Variants in OTOG observed in about 807,000 individuals in gnomAD.
OTOG encodes otogelin.
In OTOG, 296 loss-of-function variants were observed where a neutral mutation model predicts 313.8. The ratio of observed to expected loss-of-function variants is 0.94; its 90% CI spans 0.86 to 1.04. The LOEUF (loss-of-function observed/expected upper bound fraction) is 1.04. OTOG is among the 50% of genes least tolerant of loss of function. The probability of loss-of-function intolerance (pLI) is 0.00; values close to 1 mark genes in which losing one functional copy is unlikely to be tolerated. For missense variants in OTOG, 3,948 were observed against 3,840.1 expected, an observed-to-expected ratio of 1.03 and a Z score of -0.74; for synonymous variants, 1,533 against 1,554.9, an observed-to-expected ratio of 0.99 and a Z score of 0.33.
chr11:17,552,549 C>CCCCACCTGTCCTGTGTCT (rs796266536), intron 4 of OTOG, among the ~76,000 whole-genome samples: 110 of 65,232 alleles, frequency 1.7e-3, no homozygotes, highest in African/African-American at 4.6e-3. Context: ...GTCCTGTGTC[C>CCCCACCTGTCCTGTGTCT]CCCACCTGTC....
intron 3 of OTOG, among the ~76,000 whole-genome samples, chr11:17,550,174 A>G (rs1176969862): frequency 6.6e-6 from 1 of 152,220 alleles, no homozygotes; most frequent in African/African-American, 2.4e-5. Flanking sequence ...GACATGACAG[A>G]TATTTTCCTA....
At position 17,631,711 on chromosome 11, in the gene OTOG, A is replaced by G. The variant is rs1321568743; in HGVS notation, c.6722A>G (p.Asp2241Gly). The change falls in exon 41 of 56, where the codon GAT becomes GGT. Residue 2241 changes from aspartate (D) to glycine (G), a missense_variant. Asp to Gly is a moderately conservative substitution (Grantham distance 94). Transcript: ENST00000399397. ...AQGHGLCGIC[D>G]GDAANDLTLK... ...GTTTGGCCCCTTTCAGGTATCTGTGATGGAGATGCAGCCAATGACCTTACC... is the reference window on the plus strand; with the variant it reads ...GTTTGGCCCCTTTCAGGTATCTGTGGTGGAGATGCAGCCAATGACCTTACC... The G allele has an allele frequency of 1.3e-6, 2 of 1,550,084 alleles. No homozygotes were observed. Among genetic ancestry groups the G allele is most frequent in the African/African-American group, 2.7e-5 (2 of 73,006 alleles).
At position 17,570,133 on chromosome 11, in the gene OTOG, G is replaced by A; in HGVS notation, c.1778-80G>A. 4 of 1,320,268 alleles carry A rather than the reference G, an allele frequency of 3.0e-6. No individual in the cohort carries two copies. The South Asian group carries it at 4.1e-5, about 14-fold the overall frequency. The allele number at this position is 1,320,268 out of a possible 1,614,324, so 81.8% of individuals were successfully genotyped here. A position where few individuals can be genotyped will look rare whatever the true frequency, so the allele number is the denominator to read the frequency against. On this transcript the variant is annotated intron_variant, in intron 16 of 55. Transcript: ENST00000399397. The stretch of plus-strand genomic sequence containing the variant: ...GACTGGGCCGGGCGTGGGAGTCTGA[G>A]CGGGCCAGGCAGGTGGTGGTGGTGG...
chr11:17,611,475 C>T (rs930193185), intron 36 of OTOG, 52 bp downstream of exon 36: 9 of 1,428,398 alleles, frequency 6.3e-6, no homozygotes, highest in Middle Eastern at 1.8e-4. Flanking sequence ...TTCCCTTCAT[C>T]CCTTCCTCTT....
At chr11:17,568,186 C>T (rs911772197) in intron 15 of OTOG, among the ~76,000 whole-genome samples, 5 of 152,126 alleles carry the variant, frequency 3.3e-5, no homozygotes, top group African/African-American at 4.8e-5. Flanking sequence ...AGATTACAGG[C>T]GTGAGCCACC....
chr11:17,645,762 G>C lies in OTOG; in HGVS notation c.8560G>C (p.Asp2854His). ...SSTPVNLVSC[D>H]GRCPSASIYN... The stretch of plus-strand genomic sequence containing the variant: ...GTTCCAGGTGAACCTAGTGTCCTGC[G>C]ATGGGAGGTGCCCATCCGCCAGCAT... Residue 2854 changes from aspartate to histidine, a missense_variant, in exon 56 of 56, where the codon GAT becomes CAT. Transcript: ENST00000399397. 1.3e-6 allele frequency: 2 copies of C among 1,550,908 alleles called. No individual in the cohort carries two copies. The highest frequency in any genetic ancestry group is 1.7e-6 in the Non-Finnish European group (2 of 1,147,080).
intron 39 of OTOG, among the ~76,000 whole-genome samples, chr11:17,614,520 C>CA (rs1313437805): frequency 6.6e-6 from 1 of 152,180 alleles, no homozygotes; most frequent in Non-Finnish European, 1.5e-5. Flanking sequence ...CACCCACAGT[C>CA]ATGTAACTAC....
intron 39 of OTOG, among the ~76,000 whole-genome samples, chr11:17,620,487 A>G (rs1853837078): frequency 6.6e-6 from 1 of 152,150 alleles, no homozygotes; most frequent in Non-Finnish European, 1.5e-5. Flanking sequence ...TTATCCATTC[A>G]TTATTGATGG....
At position 17,643,492 on chromosome 11, in the gene OTOG, G is replaced by T; in HGVS notation, c.8447G>T (p.Gly2816Val). 1 of 1,458,900 alleles carries T rather than the reference G, an allele frequency of 6.9e-7. No homozygotes were observed. Among genetic ancestry groups the T allele is most frequent in the Non-Finnish European group, 9.1e-7 (1 of 1,099,252 alleles). 90.4% of individuals were successfully genotyped at this position (1,458,900 alleles called of 1,614,324 possible). The change falls in exon 54 of 56, where the codon GGA becomes GTA. Residue 2816 changes from glycine (G) to valine (V), a missense_variant. By Grantham distance (109) the Gly-to-Val change is moderately radical. Coordinates refer to ENST00000399397, the MANE Select transcript of OTOG (RefSeq NM_001292063.2). ...GGTTCCGTGGTACCTTCCTTGGAAG[G>T]ATGCTGCAGGACCTGTGAGTGAGCA... is the stretch of plus-strand genomic sequence containing the variant. ...VGGSVVPSLE[G>V]CCRTCKEDGR...
rs767067396 is a variant in OTOG, at chr11:17,553,553, G to T, written c.540+34G>T. 5 of 1,405,086 alleles carry T rather than the reference G, an allele frequency of 3.6e-6. No homozygotes were observed. The Admixed American group carries it at 9.6e-5, about 27-fold the overall frequency. 87.0% of individuals were successfully genotyped at this position (1,405,086 alleles called of 1,614,324 possible). ...TCCCCTGCCTTGCCTGTCCAGGAATGCTTCTCTAGGCCCTGGAGGCTGCAC... is the reference window on the plus strand; with the variant it reads ...TCCCCTGCCTTGCCTGTCCAGGAATTCTTCTCTAGGCCCTGGAGGCTGCAC... On this transcript the variant is annotated intron_variant, in intron 6 of 55. Transcript: ENST00000399397.
intron 7 of OTOG, 126 bp downstream of exon 7, chr11:17,556,023 A>C (rs2134002687): frequency 1.4e-6 from 1 of 718,568 alleles, no homozygotes; most frequent in Non-Finnish European, 2.3e-6. Context: ...AATTTCCACT[A>C]TCTGGGCGGA....
At chr11:17,628,177 T>C (rs1462816593) in intron 39 of OTOG, among the ~76,000 whole-genome samples, 2 of 152,176 alleles carry the variant, frequency 1.3e-5, no homozygotes, top group African/African-American at 4.8e-5. Context: ...GTTTTTCTTC[T>C]TTTTTGATAT....
chr11:17,619,387 AT>A (rs1258858528), intron 39 of OTOG, among the ~76,000 whole-genome samples: 1 of 152,162 alleles, frequency 6.6e-6, no homozygotes, highest in African/African-American at 2.4e-5. Context: ...TGTTTATACC[AT>A]TTATGTTTAA....
Position 17,574,723 on chromosome 11 carries a change from T to C in OTOG, c.2297T>C (p.Leu766Pro), listed in dbSNP as rs1341515172. Residue 766 changes from leucine (L) to proline (P), a missense_variant, in exon 20 of 56, where the codon CTG becomes CCG. Leu to Pro is a moderately conservative substitution (Grantham distance 98). Coordinates refer to ENST00000399397, the MANE Select transcript of OTOG (RefSeq NM_001292063.2). ...CACCACTCCCCCCTCACTGCAGCAC[T>C]GTCCTGTGAGGCCTCCAAGGAGTAT... ...DFRARLPACA[L>P]SCEASKEYSP... is the part of the protein sequence containing the mutation. The C allele has an allele frequency of 1.3e-6, 2 of 1,550,330 alleles. No homozygotes were observed. Among genetic ancestry groups the C allele is most frequent in the South Asian group, 1.2e-5 (1 of 84,018 alleles).
chr11:17,636,564 G>A (rs1305832176), intron 47 of OTOG, among the ~76,000 whole-genome samples: 3 of 152,200 alleles, frequency 2.0e-5, no homozygotes, highest in Non-Finnish European at 2.9e-5. Flanking sequence ...CCCATCCCAT[G>A]AGAGTTGCCC....
At chr11:17,561,199 A>G in intron 14 of OTOG, 62 bp downstream of exon 14, 9 of 1,536,970 alleles carry the variant, frequency 5.9e-6, no homozygotes, top group Non-Finnish European at 7.9e-6. Flanking sequence ...TTTTGGGGCA[A>G]GGAATCTCTG....
At chr11:17,564,696 C>T (rs1852262401) in intron 15 of OTOG, among the ~76,000 whole-genome samples, 1 of 152,200 alleles carries the variant, frequency 6.6e-6, no homozygotes, top group Admixed American at 6.5e-5. Flanking sequence ...AATATTTGCA[C>T]AGTGCCTTGA....
At chr11:17,624,902 G>C (rs762703204) in intron 39 of OTOG, among the ~76,000 whole-genome samples, 18 of 152,022 alleles carry the variant, frequency 1.2e-4, no homozygotes, top group Admixed American at 6.6e-4. Context: ...CTAGGTATTG[G>C]ATTCTTTTCG....
intron 23 of OTOG, 23 bp downstream of exon 23, chr11:17,578,549 G>T: frequency 6.6e-7 from 1 of 1,503,836 alleles, no homozygotes; most frequent in Non-Finnish European, 8.9e-7. Flanking sequence ...GGTGTCGTGG[G>T]CCCGTGATCC....
Sources: allele counts gnomAD v4.1 joint callset (sites outside exome capture counted in the v4.1 genomes callset), GRCh38; gene constraint gnomAD v4.1.1; transcripts MANE v1.5; gene names NCBI Gene and HGNC (gene_info 2026-07-23, HGNC 2026-07-21).